Variants in ARHGAP35 observed in about 807,000 individuals in gnomAD.
ARHGAP35 encodes Rho GTPase activating protein 35, also known as rho GTPase-activating protein 35.
ARHGAP35 carries 15 observed loss-of-function variants against 111.1 expected under a neutral mutation model. The observed-to-expected ratio is 0.13, with a 90% CI of 0.09 to 0.21. The LOEUF is 0.21. Among genes scored for constraint, ARHGAP35 ranks in the 10% least tolerant of loss-of-function variants. The pLI is 1.00. For synonymous variants in ARHGAP35, 643 were observed against 710.3 expected (o/e 0.91, Z 1.51); for missense variants, 1,262 against 1,873.0 (o/e 0.67, Z 6.02).
intron 1 of ARHGAP35, among the ~76,000 whole-genome samples, chr19:46,874,203 A>G (rs1748689059): frequency 6.6e-6 from 1 of 152,182 alleles, no homozygotes; most frequent in Non-Finnish European, 1.5e-5. Context: ...CTAGGTATCT[A>G]CAAGGTTTAG....
intron 3 of ARHGAP35, among the ~76,000 whole-genome samples, chr19:46,951,215 C>T (rs1281818604): frequency 1.3e-5 from 2 of 152,218 alleles, no homozygotes; most frequent in Non-Finnish European, 2.9e-5. Context: ...TAAATTTCAC[C>T]ACTAATTGAT....
chr19:46,980,857 C>G (rs1599862917), intron 3 of ARHGAP35, among the ~76,000 whole-genome samples: 1 of 152,242 alleles, frequency 6.6e-6, no homozygotes, highest in South Asian at 2.1e-4. Context: ...AATAGCTACT[C>G]TCTCAGCACT....
chr19:46,861,050 A>T lies in ARHGAP35; in HGVS notation c.-348A>T, dbSNP rs2055822677. ...CAGGAGGAGGTGGAGGAGGCGGAGG[A>T]GGGAACCCGCGAGGGAGGGTCCGCC... is the stretch of plus-strand genomic sequence containing the variant. On this transcript the variant is annotated 5_prime_UTR_variant, in exon 1 of 7. Coordinates refer to ENST00000672722, the MANE Select transcript of ARHGAP35 (RefSeq NM_004491.5). Among the ~76,000 whole-genome samples, 1 of 146,220 alleles carries T rather than the reference A, an allele frequency of 6.8e-6. No individual in the cohort carries two copies. Among genetic ancestry groups the T allele is most frequent in the African/African-American group, 2.5e-5 (1 of 40,066 alleles).
At chr19:46,933,793 T>G (rs2056287764) in intron 2 of ARHGAP35, among the ~76,000 whole-genome samples, 1 of 152,148 alleles carries the variant, frequency 6.6e-6, no homozygotes, top group Non-Finnish European at 1.5e-5. Context: ...TGCACCGCAG[T>G]CTGGATGACA....
At chr19:46,907,413 G>T (rs935237699) in intron 1 of ARHGAP35, among the ~76,000 whole-genome samples, 1 of 151,730 alleles carries the variant, frequency 6.6e-6, no homozygotes, top group African/African-American at 2.4e-5. Context: ...GCCTCCCAGA[G>T]TGCTGGGATT....
chr19:46,867,491 G>A (rs1310812125), intron 1 of ARHGAP35, among the ~76,000 whole-genome samples: 1 of 152,132 alleles, frequency 6.6e-6, no homozygotes, highest in Non-Finnish European at 1.5e-5. Flanking sequence ...CTAGCTTTGT[G>A]ACTAGCCAAA....
intron 1 of ARHGAP35, among the ~76,000 whole-genome samples, chr19:46,866,763 G>A (rs967419399): frequency 2.0e-5 from 3 of 152,172 alleles, no homozygotes; most frequent in African/African-American, 7.2e-5. Flanking sequence ...TACTTTTTCA[G>A]ATATAAAATA....
At chr19:46,888,837 CAAAAAAAAAA>C (rs769595005) in intron 1 of ARHGAP35, among the ~76,000 whole-genome samples, 1 of 57,368 alleles carries the variant, frequency 1.7e-5, no homozygotes, top group Non-Finnish European at 4.3e-5. Flanking sequence ...ACTAAAAATA[CAAAAAAAAAA>C]AAAAAAAAAA....
At chr19:46,970,927 A>C (rs1218828981) in intron 3 of ARHGAP35, among the ~76,000 whole-genome samples, 1 of 152,184 alleles carries the variant, frequency 6.6e-6, no homozygotes, top group East Asian at 1.9e-4. Flanking sequence ...CAAAGTGATT[A>C]TAACTGACCT....
intron 1 of ARHGAP35, among the ~76,000 whole-genome samples, chr19:46,895,251 C>T (rs374754415): frequency 2.8e-4 from 42 of 151,826 alleles, no homozygotes; most frequent in African/African-American, 9.7e-4. Context: ...GCAAGCTCCA[C>T]CTCCCGGGTT....
In ARHGAP35 at chr19:46,919,641, A is replaced by G. The variant is rs758993278; in HGVS notation, c.966A>G (p.Leu322=). ...CTCAGAAAGCCAAGAAGCTGTTTCTACAGCACATCCACCGCCTCAAGCATG... is the reference window on the plus strand; with the variant it reads ...CTCAGAAAGCCAAGAAGCTGTTTCTGCAGCACATCCACCGCCTCAAGCATG... ...EGTQKAKKLF[L]QHIHRLKHEH... is the part of the protein sequence containing the mutation. The change falls in exon 2 of 7, where the codon CTA becomes CTG. Residue 322 remains leucine (L), a synonymous_variant. Coordinates refer to ENST00000672722, the MANE Select transcript of ARHGAP35 (RefSeq NM_004491.5). This position sits in a 1 kb window ranked among gnomAD's most constrained non-coding sequence, Gnocchi z 6.2. 7 of 1,613,986 alleles carry G rather than the reference A, an allele frequency of 4.3e-6. No homozygotes were observed. The highest frequency in any genetic ancestry group is 5.9e-6 in the Non-Finnish European group (7 of 1,179,860).
At chr19:46,929,153 A>G (rs1424365475) in intron 2 of ARHGAP35, among the ~76,000 whole-genome samples, 2 of 152,190 alleles carry the variant, frequency 1.3e-5, no homozygotes, top group African/African-American at 2.4e-5. Flanking sequence ...TGCTTTAATA[A>G]TAGATTTTGT....
At chr19:46,867,418 C>A (rs147530346) in intron 1 of ARHGAP35, among the ~76,000 whole-genome samples, 1 of 152,150 alleles carries the variant, frequency 6.6e-6, no homozygotes, top group Non-Finnish European at 1.5e-5. Context: ...AATTGAGAGG[C>A]GGCTTCCTAT....
At position 46,988,566 on chromosome 19, in the gene ARHGAP35, C is replaced by G. The variant is rs1035775493; in HGVS notation, c.3904+500C>G. 1.3e-5 allele frequency: 2 copies of G among 157,692 alleles called. No homozygotes were observed. Among genetic ancestry groups the G allele is most frequent in the Admixed American group, 1.2e-4 (2 of 16,180 alleles). 9.8% of individuals were successfully genotyped at this position (157,692 alleles called of 1,614,324 possible). On this transcript the variant is annotated intron_variant, in intron 4 of 6. Transcript: ENST00000672722. This position sits in a 1 kb window ranked among gnomAD's most constrained non-coding sequence, Gnocchi z 5.4. The stretch of plus-strand genomic sequence containing the variant: ...TTACATAGCTCTTGGCAGGGACTCC[C>G]TTCTCCTAAGCTGAGCCAGCTTCAA...
At chr19:46,917,335 T>C (rs745509730) in intron 1 of ARHGAP35, among the ~76,000 whole-genome samples, 1 of 152,232 alleles carries the variant, frequency 6.6e-6, no homozygotes, top group East Asian at 1.9e-4. Context: ...AGGCCAGGCG[T>C]GATCGCTTAC....
chr19:46,993,234 G>C lies in ARHGAP35; in HGVS notation c.4036+3559G>C, dbSNP rs868418954. On this transcript the variant is annotated intron_variant, in intron 5 of 6. Coordinates refer to ENST00000672722, the MANE Select transcript of ARHGAP35 (RefSeq NM_004491.5). This position sits in a 1 kb window ranked among gnomAD's most constrained non-coding sequence, Gnocchi z 4.6. ...AGTTGTTTACCACCTGGGGCGGGGA[G>C]AGCCGACGCCGGACGAGCCTGCGTG... 1.3e-5 allele frequency among the ~76,000 whole-genome samples: 2 copies of C among 152,244 alleles called. No homozygotes were observed. The highest frequency in any genetic ancestry group is 4.8e-5 in the African/African-American group (2 of 41,468).
At chr19:46,954,885 G>T (rs552547709) in intron 3 of ARHGAP35, among the ~76,000 whole-genome samples, 2 of 152,278 alleles carry the variant, frequency 1.3e-5, no homozygotes, top group African/African-American at 4.8e-5. Flanking sequence ...CTTTTCTTCT[G>T]TTACGGCTGT....
chr19:46,922,174 C>A lies in ARHGAP35; in HGVS notation c.3499C>A (p.Arg1167=), dbSNP rs774508559. ...CAGGACGAGATGCACCCGGCTGGGG[C>A]GGTTTGCTAGTTACCGGACCAGCTT... ...LYRTRCTRLG[R]FASYRTSFSV... Residue 1167 remains arginine, a synonymous_variant, in exon 2 of 7, where the codon CGG becomes AGG. Transcript: ENST00000672722. This position sits in a 1 kb window ranked among gnomAD's most constrained non-coding sequence, Gnocchi z 4.0. 1 of 1,613,970 alleles carries A rather than the reference C, an allele frequency of 6.2e-7. No individual in the cohort carries two copies. The highest frequency in any genetic ancestry group is 8.5e-7 in the Non-Finnish European group (1 of 1,179,886).
In ARHGAP35 at chr19:46,920,665, C is replaced by G; in HGVS notation, c.1990C>G (p.Leu664Val). 6.2e-7 allele frequency: 1 copy of G among 1,613,912 alleles called. No individual in the cohort carries two copies. The highest frequency in any genetic ancestry group is 8.5e-7 in the Non-Finnish European group (1 of 1,179,874). Residue 664 changes from leucine (L) to valine (V), a missense_variant, in exon 2 of 7, where the codon CTT (leucine) becomes GTT (valine). By Grantham distance (32) the Leu-to-Val change is conservative (BLOSUM62 1). Around this residue, in one of 8 missense-constraint regions of ARHGAP35, gnomAD observed 37 missense variants for 83.9 expected, o/e 0.44. Transcript: ENST00000672722. This position sits in a 1 kb window ranked among gnomAD's most constrained non-coding sequence, Gnocchi z 7.0. ...ATTTCAGCCCCACGGCTGTCTCTGC[C>G]TTTACAATTCAAAGGAATCGCTATC... The part of the protein sequence containing the change: ...PTFQPHGCLC[L>V]YNSKESLSYV...
Sources: allele counts gnomAD v4.1 joint callset (sites outside exome capture counted in the v4.1 genomes callset), GRCh38; gene constraint gnomAD v4.1.1; regional missense constraint gnomAD v4.1.1; non-coding constraint Gnocchi (gnomAD v3.1); transcripts MANE v1.5; gene names NCBI Gene and HGNC (gene_info 2026-07-23, HGNC 2026-07-21).